PCDHA9: variants seen among roughly 807,000 people sequenced by gnomAD.
The protein encoded by PCDHA9 is protocadherin alpha 9, also known as protocadherin alpha-9.
A neutral mutation model predicts 62.0 loss-of-function variants in PCDHA9; 62 were observed. The observed-to-expected ratio is 1.00, with a 90% CI of 0.81 to 1.23. PCDHA9 has a LOEUF of 1.23. Among genes scored for constraint, PCDHA9 ranks in the 50% most tolerant of loss-of-function variants. The pLI, the probability that PCDHA9 is intolerant of heterozygous loss-of-function variation, is 0.00. For missense variants in PCDHA9, 1,205 were observed against 1,249.8 expected, an observed-to-expected ratio of 0.96 and a Z score of 0.54; for synonymous variants, 557 against 567.6, an observed-to-expected ratio of 0.98 and a Z score of 0.27.
At chr5:140,944,870 A>T (rs2093703572) in intron 1 of PCDHA9, among the ~76,000 whole-genome samples, 1 of 152,058 alleles carries the variant, frequency 6.6e-6, no homozygotes, top group Non-Finnish European at 1.5e-5. Flanking sequence ...TATCTTAACC[A>T]CCTACTCCAC....
chr5:140,941,181 G>C (rs2092747130), intron 1 of PCDHA9, among the ~76,000 whole-genome samples: 1 of 114,608 alleles, frequency 8.7e-6, no homozygotes, highest in African/African-American at 3.2e-5. Flanking sequence ...TGAACATCCT[G>C]CTTCTTTTTT....
At position 140,849,677 on chromosome 5, in the gene PCDHA9, C is replaced by A. The variant is rs2150445032; in HGVS notation, c.1182C>A (p.Pro394=). The change falls in exon 1 of 4, where the codon CCC becomes CCA. Residue 394 remains proline (P), a synonymous_variant. Coordinates refer to ENST00000532602, the MANE Select transcript of PCDHA9 (RefSeq NM_031857.2). ...QVTCSLTPHV[P]FKLVSTYKNY... ...CCTGCTCCCTGACGCCCCACGTCCC[C>A]TTCAAGCTGGTGTCCACCTACAAGA... 1 of 1,598,728 alleles carries A rather than the reference C, an allele frequency of 6.3e-7. No individual in the cohort carries two copies. The highest frequency in any genetic ancestry group is 2.2e-5 in the East Asian group (1 of 44,854).
chr5:140,877,266 C>T, intron 1 of PCDHA9: 1 of 1,613,808 alleles, frequency 6.2e-7, no homozygotes, highest in Non-Finnish European at 8.5e-7. Flanking sequence ...GCGCGGTGGA[C>T]GCTGACTCCG....
intron 1 of PCDHA9, among the ~76,000 whole-genome samples, chr5:140,898,180 G>T (rs1216288813): frequency 6.6e-6 from 1 of 152,128 alleles, no homozygotes; most frequent in Non-Finnish European, 1.5e-5. Context: ...CTGTGCAGAA[G>T]CTCTTTAGTT....
chr5:140,950,646 G>T (rs1221939583), intron 1 of PCDHA9, among the ~76,000 whole-genome samples: 2 of 151,884 alleles, frequency 1.3e-5, no homozygotes, highest in African/African-American at 4.8e-5. Context: ...TCCTGTTTAT[G>T]GTTGGCTGAG....
Position 140,853,937 on chromosome 5 carries a change from G to T in PCDHA9, c.2394+3048G>T, listed in dbSNP as rs367556947. The T allele has an allele frequency of 1.7e-4, 142 of 835,446 alleles. 8 individuals carry two copies. The highest frequency in any genetic ancestry group is 1.9e-4 in the Non-Finnish European group (128 of 679,266). 51.8% of individuals were successfully genotyped at this position (835,446 alleles called of 1,614,324 possible). A position where few individuals can be genotyped will look rare whatever the true frequency, so the allele number is the denominator to read the frequency against. On this transcript the variant is annotated intron_variant, in intron 1 of 3. Coordinates refer to ENST00000532602, the MANE Select transcript of PCDHA9 (RefSeq NM_031857.2). ...CAATCCCAACATTTTGGGAGGCCAA[G>T]GTGGGAGGGTCCCTTCCTTGAGCCC...
At chr5:140,976,740 A>C (rs1425716353) in intron 1 of PCDHA9, among the ~76,000 whole-genome samples, 7 of 152,192 alleles carry the variant, frequency 4.6e-5, no homozygotes, top group African/African-American at 1.7e-4. Flanking sequence ...CACATTTTAA[A>C]AACCTCCCAG....
At chr5:140,967,790 C>T in intron 1 of PCDHA9, 1 of 1,614,188 alleles carries the variant, frequency 6.2e-7, no homozygotes, top group Non-Finnish European at 8.5e-7. Flanking sequence ...TGACCGGGGT[C>T]CAGTGCCCAT....
rs1413393487 is a variant in PCDHA9, at chr5:140,941,341, G to T, written c.2395-37608G>T. On this transcript the variant is annotated intron_variant, in intron 1 of 3. Coordinates refer to ENST00000532602, the MANE Select transcript of PCDHA9 (RefSeq NM_031857.2). ...TCTCTTTTTTTTTTTTTTTCAGATG[G>T]AGTCTTGCTCTGTTGCCTAGGCTGG... Among the ~76,000 whole-genome samples the T allele has an allele frequency of 2.5e-5, 3 of 119,500 alleles. No homozygotes were observed. The East Asian group carries it at 8.2e-4, about 33-fold the overall frequency. 78.4% of individuals were successfully genotyped at this position (119,500 alleles called of 152,430 possible).
chr5:140,918,929 A>G (rs2078930762), intron 1 of PCDHA9, among the ~76,000 whole-genome samples: 1 of 152,226 alleles, frequency 6.6e-6, no homozygotes, highest in Non-Finnish European at 1.5e-5. Context: ...AGCATATGGC[A>G]TTTTGTTATA....
chr5:140,870,202 G>T, intron 1 of PCDHA9: 1 of 1,614,162 alleles, frequency 6.2e-7, no homozygotes, highest in Non-Finnish European at 8.5e-7. Flanking sequence ...GCCCAGCACG[G>T]TCATTGCCCT....
intron 1 of PCDHA9, among the ~76,000 whole-genome samples, chr5:140,903,632 C>T (rs1554191062): frequency 6.6e-6 from 1 of 152,134 alleles, no homozygotes. Context: ...CATATGTATG[C>T]ATATACCATA....
chr5:140,967,040 C>G, intron 1 of PCDHA9: 1 of 1,611,752 alleles, frequency 6.2e-7, no homozygotes, highest in South Asian at 1.1e-5. Flanking sequence ...CTACCTGGAG[C>G]TGGACCTGAC....
chr5:141,007,393 T>C (rs1485010105), intron 3 of PCDHA9, among the ~76,000 whole-genome samples: 2 of 23,410 alleles, frequency 8.5e-5, no homozygotes, highest in African/African-American at 2.3e-4. Context: ...TCTACTAAAA[T>C]ACAAAAAAAA....
In PCDHA9 at chr5:140,849,573, A is replaced by T; in HGVS notation, c.1078A>T (p.Lys360Ter). Reference protein sequence around the residue: ...LTIKTLSVPVKEDAQLGTVIA... With the variant: ...LTIKTLSVPV Reference sequence around the variant, plus strand: ...TATCAAAACGCTCTCGGTTCCTGTAAAAGAGGACGCACAACTGGGGACAGT... The same window carrying T: ...TATCAAAACGCTCTCGGTTCCTGTATAAGAGGACGCACAACTGGGGACAGT... Residue 360 changes from lysine (K) to a stop codon, truncating the protein, a stop_gained, in exon 1 of 4, where the codon AAA becomes TAA. Transcript: ENST00000532602. LOFTEE classifies it high-confidence loss of function. The T allele has an allele frequency of 6.3e-7, 1 of 1,598,648 alleles. No homozygotes were observed.
At chr5:140,872,812 C>G (rs1233699706) in intron 1 of PCDHA9, among the ~76,000 whole-genome samples, 2 of 152,144 alleles carry the variant, frequency 1.3e-5, no homozygotes, top group African/African-American at 4.8e-5. Context: ...ATAAGTTTTT[C>G]AGATTCATCT....
At chr5:140,967,150 C>G (rs1400431511) in intron 1 of PCDHA9, 1 of 1,610,886 alleles carries the variant, frequency 6.2e-7, no homozygotes, top group African/African-American at 1.3e-5. Context: ...CGCACAACCC[C>G]GTGGCGGTGA....
At chr5:140,967,207 T>G (rs376266648) in intron 1 of PCDHA9, 16 of 1,613,648 alleles carry the variant, frequency 9.9e-6, no homozygotes, top group Non-Finnish European at 1.1e-5. Flanking sequence ...ACTCACCGCG[T>G]TTCCCGCGGC....
At chr5:140,975,899 G>A (rs2096688066) in intron 1 of PCDHA9, among the ~76,000 whole-genome samples, 1 of 152,084 alleles carries the variant, frequency 6.6e-6, no homozygotes, top group African/African-American at 2.4e-5. Context: ...ATGGAGTTTT[G>A]TGACCATTAT....
Sources: allele counts gnomAD v4.1 joint callset (sites outside exome capture counted in the v4.1 genomes callset), GRCh38; gene constraint gnomAD v4.1.1; transcripts MANE v1.5; gene names NCBI Gene and HGNC (gene_info 2026-07-23, HGNC 2026-07-21).